The following WDR17 variants were observed in gnomAD, a reference collection of about 807,000 sequenced individuals.
WDR17 encodes WD repeat domain 17.
WDR17 carries 143 observed loss-of-function variants against 161.7 expected under a neutral mutation model. The ratio of observed to expected loss-of-function variants is 0.88; its 90% CI spans 0.77 to 1.02. WDR17 has a LOEUF of 1.02. WDR17 is among the 50% of genes least tolerant of loss of function. The probability of loss-of-function intolerance (pLI) is 0.00; values close to 1 mark genes in which losing one functional copy is unlikely to be tolerated. For synonymous variants in WDR17, 517 were observed against 515.6 expected (o/e 1.00, Z -0.04); for missense variants, 1,469 against 1,520.9 (o/e 0.97, Z 0.57).
chr4:176,137,467 A>G, intron 8 of WDR17, 53 bp from the exon 9 acceptor site: 1 of 1,434,660 alleles, frequency 7.0e-7, no homozygotes, highest in Non-Finnish European at 9.7e-7. Flanking sequence ...TTTTTAAAAG[A>G]ATTACATTTG....
At position 176,109,296 on chromosome 4, in the gene WDR17, C is replaced by T. The variant is rs146128576; in HGVS notation, c.-6-2279C>T. On this transcript the variant is annotated intron_variant, in intron 1 of 28. Coordinates refer to ENST00000508596, the MANE Select transcript of WDR17 (RefSeq NM_181265.4). ...TGGCTGAAATAATGTACATTTTCAG[C>T]GAAAGATACTGTAACATTACTAAGT... 3.8e-3 allele frequency among the ~76,000 whole-genome samples: 567 copies of T among 150,748 alleles called. 2 individuals carry two copies. The highest frequency in any genetic ancestry group is 0.013 in the African/African-American group (533 of 40,988).
intron 1 of WDR17, among the ~76,000 whole-genome samples, chr4:176,090,939 G>A (rs1736043075): frequency 6.6e-6 from 1 of 152,222 alleles, no homozygotes; most frequent in South Asian, 2.1e-4. Flanking sequence ...GGTACAGATT[G>A]CTCATGCTGT....
At chr4:176,177,324 C>T (rs1319430924) in intron 27 of WDR17, 147 bp from the exon 28 acceptor site, 4 of 958,924 alleles carry the variant, frequency 4.2e-6, no homozygotes, top group Non-Finnish European at 4.6e-6. Context: ...GCCATGTAGT[C>T]CTTTGTTTTA....
In WDR17 at chr4:176,111,561, A is replaced by G; in HGVS notation, c.-6-14A>G. On this transcript the variant is annotated splice_polypyrimidine_tract_variant and intron_variant, in intron 1 of 28. Coordinates refer to ENST00000508596, the MANE Select transcript of WDR17 (RefSeq NM_181265.4). ...ATGGAAATCACTGACATTTCTTCAA[A>G]TTTGTTTTTCAAGGCAAACATGTCC... 6.3e-7 allele frequency: 1 copy of G among 1,594,004 alleles called. No homozygotes were observed. The highest frequency in any genetic ancestry group is 8.5e-7 in the Non-Finnish European group (1 of 1,170,650).
chr4:176,078,458 A>C (rs768232743), intron 1 of WDR17, among the ~76,000 whole-genome samples: 36 of 152,048 alleles, frequency 2.4e-4, no homozygotes, highest in Non-Finnish European at 4.7e-4. Flanking sequence ...GCAAACAACA[A>C]ATCTTCATTA....
intron 1 of WDR17, among the ~76,000 whole-genome samples, chr4:176,096,857 A>G (rs1736961766): frequency 6.6e-6 from 1 of 151,734 alleles, no homozygotes; most frequent in African/African-American, 2.4e-5. Context: ...AATATAAAAT[A>G]ATATTTTATA....
At chr4:176,109,253 T>A (rs1357816131) in intron 1 of WDR17, among the ~76,000 whole-genome samples, 1 of 151,978 alleles carries the variant, frequency 6.6e-6, no homozygotes, top group East Asian at 1.9e-4. Flanking sequence ...TCTCCAAAAG[T>A]CAATGTAACT....
intron 1 of WDR17, among the ~76,000 whole-genome samples, chr4:176,077,027 T>A (rs1734134637): frequency 6.6e-6 from 1 of 152,124 alleles, no homozygotes; most frequent in Non-Finnish European, 1.5e-5. Flanking sequence ...CCCCTCTGCA[T>A]TGACTCAATC....
At chr4:176,110,281 A>G (rs1180388435) in intron 1 of WDR17, among the ~76,000 whole-genome samples, 2 of 152,120 alleles carry the variant, frequency 1.3e-5, no homozygotes, top group Non-Finnish European at 2.9e-5. Flanking sequence ...AGCTGGGACC[A>G]CAGGTGCCCG....
chr4:176,174,747 C>A, intron 26 of WDR17, 29 bp downstream of exon 26: 1 of 1,459,926 alleles, frequency 6.8e-7, no homozygotes, highest in Non-Finnish European at 9.5e-7. Context: ...TCCATCATGA[C>A]ATTAGAGCAA....
At chr4:176,094,852 T>A (rs1258792205) in intron 1 of WDR17, among the ~76,000 whole-genome samples, 1 of 152,104 alleles carries the variant, frequency 6.6e-6, no homozygotes, top group Non-Finnish European at 1.5e-5. Context: ...GTCATTGAAA[T>A]GGAGAATGTA....
rs983284063 is a variant in WDR17 at position 176,182,249 on chromosome 4, AAGTT to A, written c.*2674_*2677del. 2.4e-4 allele frequency: 37 copies of A among 152,114 alleles called. No homozygotes were observed. The highest frequency in any genetic ancestry group is 8.4e-4 in the African/African-American group (35 of 41,560). The allele number at this position is 152,114 out of a possible 1,614,324, so 9.4% of individuals were successfully genotyped here. On this transcript the variant is annotated 3_prime_UTR_variant, in exon 29 of 29. Transcript: ENST00000508596. This position sits in a 1 kb window ranked among gnomAD's most constrained non-coding sequence, Gnocchi z 4.2. ...CATTGGAAAAATATTTTGCCTGTAAAAGTTAGTAACTAGGTGGTTCACAAAATTA... is the reference window on the plus strand; with the variant it reads ...CATTGGAAAAATATTTTGCCTGTAAAAGTAACTAGGTGGTTCACAAAATTA...
chr4:176,123,443 C>T (rs76414930), intron 4 of WDR17, among the ~76,000 whole-genome samples: 1,772 of 152,296 alleles, frequency 0.012, 18 homozygotes, highest in Non-Finnish European at 0.019. Flanking sequence ...GTCCTCTCTT[C>T]TGATGACAGT....
intron 12 of WDR17, among the ~76,000 whole-genome samples, chr4:176,147,570 C>G (rs964353763): frequency 6.6e-6 from 1 of 152,144 alleles, no homozygotes; most frequent in Admixed American, 6.5e-5. Context: ...TACCCATCAT[C>G]ATACATGTTA....
At chr4:176,176,867 G>A (rs1244662590) in intron 26 of WDR17, among the ~76,000 whole-genome samples, 191 bp from the exon 27 acceptor site, 1 of 152,130 alleles carries the variant, frequency 6.6e-6, no homozygotes, top group African/African-American at 2.4e-5. Context: ...TGACTTGCCA[G>A]GGACTGTGCT....
chr4:176,069,033 T>A (rs1049476177), intron 1 of WDR17, among the ~76,000 whole-genome samples: 2 of 152,184 alleles, frequency 1.3e-5, no homozygotes, highest in Non-Finnish European at 2.9e-5. Flanking sequence ...TTAGAAAGAT[T>A]TGAAAAGTTT....
chr4:176,149,875 T>C lies in WDR17; in HGVS notation c.1966T>C (p.Trp656Arg). Residue 656 changes from tryptophan (W) to arginine (R), a missense_variant, in exon 14 of 29, where the codon TGG becomes CGG. Trp to Arg is a moderately radical substitution (Grantham distance 101). Coordinates refer to ENST00000508596, the MANE Select transcript of WDR17 (RefSeq NM_181265.4). ...SCSRDSTVRL[W>R]SLTALVTPVQ... is the part of the protein sequence containing the mutation. ...CTCCCGTGACTCTACAGTGAGACTC[T>C]GGTCATTAACAGCCTTAGTCACTCC... 3 of 1,614,158 alleles carry C rather than the reference T, an allele frequency of 1.9e-6. No homozygotes were observed. The South Asian group carries it at 3.3e-5, about 18-fold the overall frequency.
At chr4:176,111,275 T>G in intron 1 of WDR17, 1 of 186,696 alleles carries the variant, frequency 5.4e-6, no homozygotes, top group Non-Finnish European at 1.1e-5. Flanking sequence ...GCATGTGCAA[T>G]TTCTATTTCA....
At chr4:176,128,666 A>T in intron 5 of WDR17, 72 bp from the exon 6 acceptor site, 1 of 1,473,308 alleles carries the variant, frequency 6.8e-7, no homozygotes, top group Non-Finnish European at 9.2e-7. Flanking sequence ...AAATTTTGTT[A>T]TACTTTTATG....
Sources: gnomAD v4.1 joint callset for allele counts (sites outside exome capture counted in the v4.1 genomes callset) on GRCh38, gnomAD v4.1.1 for gene constraint, Gnocchi (gnomAD v3.1) non-coding constraint, MANE v1.5 for transcripts, NCBI Gene and HGNC (gene_info 2026-07-23, HGNC 2026-07-21) for gene names.